The following TRPM8 variants were observed in gnomAD, a reference collection of about 807,000 sequenced individuals.
TRPM8 encodes transient receptor potential cation channel subfamily M member 8, also known as TRPM8 cationic channel.
In TRPM8, 110 loss-of-function variants were observed where a neutral mutation model predicts 133.7. That is an observed-to-expected ratio of 0.82 (90% CI 0.70 to 0.96). TRPM8 has a LOEUF of 0.96. Among genes scored for constraint, TRPM8 ranks in the 40% least tolerant of loss-of-function variants. TRPM8 has a pLI of 0.00. For synonymous variants in TRPM8, 535 were observed against 532.3 expected, an observed-to-expected ratio of 1.01 and a Z score of -0.07; for missense variants, 1,291 against 1,379.5, an observed-to-expected ratio of 0.94 and a Z score of 1.02.
At chr2:234,001,820 G>A (rs1041372669) in intron 22 of TRPM8, among the ~76,000 whole-genome samples, 1 of 152,314 alleles carries the variant, frequency 6.6e-6, no homozygotes, top group African/African-American at 2.4e-5. Context: ...CAGAGGTGAC[G>A]TAGATAATTT....
intron 17 of TRPM8, among the ~76,000 whole-genome samples, chr2:233,971,027 T>C (rs1050981001): frequency 5.9e-5 from 9 of 152,136 alleles, no homozygotes; most frequent in Non-Finnish European, 1.3e-4. Context: ...AAAATAAATA[T>C]TGATGGTGAA....
In TRPM8 at chr2:233,945,840, T is replaced by TC. The variant is rs768222245; in HGVS notation, c.700-13dup. 3.7e-6 allele frequency: 6 copies of TC among 1,602,950 alleles called. No homozygotes were observed. The Admixed American group carries it at 1.0e-4, about 27-fold the overall frequency. ...GATAATACAATCTCAAAGACAAGTT[T>TC]CCCTGTACTTTTCAGGGCTATTTTT... On this transcript the variant is annotated splice_polypyrimidine_tract_variant and intron_variant, in intron 6 of 25. Transcript: ENST00000324695.
Position 234,017,317 on chromosome 2 carries a change from G to C in TRPM8, c.*61G>C. The C allele has an allele frequency of 2.1e-6, 1 of 471,220 alleles. No individual in the cohort carries two copies. Among genetic ancestry groups the C allele is most frequent in the South Asian group, 1.5e-5 (1 of 64,560 alleles). 29.2% of individuals were successfully genotyped at this position (471,220 alleles called of 1,614,324 possible). A position where few individuals can be genotyped will look rare whatever the true frequency, so the allele number is the denominator to read the frequency against. ...TTTACAGATCATATTAAGGAATGCT[G>C]ATGAACAATTTTGCTATCGACTACT... On this transcript the variant is annotated 3_prime_UTR_variant, in exon 26 of 26. Transcript: ENST00000324695.
rs1259224740 is a variant in TRPM8, at chr2:233,989,043, C to A, written c.2939+3178C>A. On this transcript the variant is annotated intron_variant, in intron 21 of 25. Coordinates refer to ENST00000324695, the MANE Select transcript of TRPM8 (RefSeq NM_024080.5). The surrounding 1 kb of genome is among the most constrained non-coding windows in gnomAD (Gnocchi z 4.2). ...TACAGACATTAAACAAAAAGACCAA[C>A]AGCTCCTAAAACCATGGCCTTTGAG... 6.6e-6 allele frequency among the ~76,000 whole-genome samples: 1 copy of A among 152,214 alleles called. No individual in the cohort carries two copies. Among genetic ancestry groups the A allele is most frequent in the African/African-American group, 2.4e-5 (1 of 41,464 alleles).
At chr2:233,992,675 A>C (rs1692308692) in intron 21 of TRPM8, among the ~76,000 whole-genome samples, 1 of 152,188 alleles carries the variant, frequency 6.6e-6, no homozygotes, top group African/African-American at 2.4e-5. Context: ...CAGGACGCCA[A>C]GGGCACAAGA....
At chr2:233,966,258 G>A (rs1279052279) in intron 14 of TRPM8, 28 of 203,730 alleles carry the variant, frequency 1.4e-4, no homozygotes, top group East Asian at 4.5e-4. Flanking sequence ...GGGGGGCGGC[G>A]GTGGGGAGGT....
At position 233,955,917 on chromosome 2, in the gene TRPM8, C is replaced by T. The variant is rs7607540; in HGVS notation, c.1362+667C>T. Reference sequence around the variant, plus strand: ...TGGCGGTATTCGATTCCTATAGGAGCGTGAACCCTGTTGTGGACTGTGCAT... The same window carrying T: ...TGGCGGTATTCGATTCCTATAGGAGTGTGAACCCTGTTGTGGACTGTGCAT... On this transcript the variant is annotated intron_variant, in intron 11 of 25. Transcript: ENST00000324695. Among the ~76,000 whole-genome samples the T allele has an allele frequency of 3.2e-3, 485 of 152,244 alleles. 5 individuals are homozygous for T. The highest frequency in any genetic ancestry group is 0.011 in the African/African-American group (469 of 41,542).
At chr2:233,952,539 C>T (rs900893969) in intron 9 of TRPM8, among the ~76,000 whole-genome samples, 2 of 151,956 alleles carry the variant, frequency 1.3e-5, no homozygotes, top group African/African-American at 4.8e-5. Flanking sequence ...GAGTGAAAGA[C>T]AGCCGTGAGG....
Position 233,927,962 on chromosome 2 carries a change from T to TCTCTCTCTC in TRPM8, c.117+1308_117+1309insCTCTCTCTC, listed in dbSNP as rs1559516800. Among the ~76,000 whole-genome samples the TCTCTCTCTC allele has an allele frequency of 7.8e-3, 244 of 31,386 alleles. 21 individuals are homozygous for TCTCTCTCTC. Among genetic ancestry groups the TCTCTCTCTC allele is most frequent in the Admixed American group, 9.2e-3 (23 of 2,502 alleles). 20.6% of individuals were successfully genotyped at this position (31,386 alleles called of 152,430 possible). Reference sequence around the variant, plus strand: ...TCTCTCTCTCTCTCTCTCTCTCTCTTTCTTTCTTTCTTTCTTTTTTTTTTT... The same window carrying TCTCTCTCTC: ...TCTCTCTCTCTCTCTCTCTCTCTCTTCTCTCTCTCTCTTTCTTTCTTTCTTTTTTTTTTT... On this transcript the variant is annotated intron_variant, in intron 2 of 25. Coordinates refer to ENST00000324695, the MANE Select transcript of TRPM8 (RefSeq NM_024080.5).
chr2:233,988,896 C>T (rs148532118), intron 21 of TRPM8, among the ~76,000 whole-genome samples: 3 of 152,312 alleles, frequency 2.0e-5, no homozygotes, highest in African/African-American at 7.2e-5. Flanking sequence ...GCAAAACAGA[C>T]CAATCCCAAA....
chr2:233,938,886 G>A (rs1210059966), intron 4 of TRPM8, 112 bp from the exon 5 acceptor site: 3 of 1,141,918 alleles, frequency 2.6e-6, no homozygotes, highest in Admixed American at 4.3e-5. Flanking sequence ...CCCCCACCCC[G>A]CCCCTCTTCT....
intron 1 of TRPM8, among the ~76,000 whole-genome samples, chr2:233,918,122 A>G (rs1309495176): frequency 6.6e-6 from 1 of 152,178 alleles, no homozygotes; most frequent in African/African-American, 2.4e-5. Context: ...GCTGAACATA[A>G]GGAAATGGTT....
At chr2:233,985,199 T>G (rs1692115852) in intron 20 of TRPM8, among the ~76,000 whole-genome samples, 1 of 152,146 alleles carries the variant, frequency 6.6e-6, no homozygotes. Flanking sequence ...CTGTTGCCTC[T>G]GTGGGGTGCT....
intron 14 of TRPM8, 128 bp from the exon 15 acceptor site, chr2:233,966,482 C>G (rs771636543): frequency 2.9e-5 from 33 of 1,152,032 alleles, no homozygotes; most frequent in South Asian, 7.1e-5. Context: ...ATTTTCTATG[C>G]CTTTTGTAAG....
intron 5 of TRPM8, among the ~76,000 whole-genome samples, chr2:233,941,221 C>T (rs1690897454): frequency 6.6e-6 from 1 of 152,156 alleles, no homozygotes. Context: ...TGTTTGGCTA[C>T]ATGACTTTTA....
intron 9 of TRPM8, among the ~76,000 whole-genome samples, chr2:233,950,347 A>C (rs561857564): frequency 6.6e-6 from 1 of 152,200 alleles, no homozygotes; most frequent in Non-Finnish European, 1.5e-5. Context: ...TGTACTTGAG[A>C]TATTGCATTT....
intron 25 of TRPM8, 27 bp from the exon 26 acceptor site, chr2:234,017,271 AC>A: frequency 2.1e-6 from 1 of 470,276 alleles, no homozygotes; most frequent in Admixed American, 2.4e-5. Context: ...TCTATTCTTA[AC>A]ACAGTGTTCT....
chr2:233,975,298 C>T (rs1691840544), intron 17 of TRPM8, among the ~76,000 whole-genome samples: 1 of 152,104 alleles, frequency 6.6e-6, no homozygotes. Context: ...GGCTGTGTGC[C>T]CTGGAGTGGC....
At chr2:233,923,964 A>G (rs2125031097) in intron 1 of TRPM8, among the ~76,000 whole-genome samples, 1 of 152,372 alleles carries the variant, frequency 6.6e-6, no homozygotes, top group East Asian at 1.9e-4. Flanking sequence ...CTGGGCAGAA[A>G]GAAGAGCAGG....
Sources: allele counts gnomAD v4.1 joint callset (sites outside exome capture counted in the v4.1 genomes callset), GRCh38; gene constraint gnomAD v4.1.1; non-coding constraint Gnocchi (gnomAD v3.1); transcripts MANE v1.5; gene names NCBI Gene and HGNC (gene_info 2026-07-23, HGNC 2026-07-21).